The following ZFHX3 variants were observed in gnomAD, a reference collection of about 807,000 sequenced individuals.
ZFHX3 encodes the protein zinc finger homeobox 3.
In ZFHX3, 42 loss-of-function variants were observed where a neutral mutation model predicts 279.1. The observed-to-expected ratio is 0.15, with a 90% confidence interval of 0.12 to 0.19. ZFHX3 has a LOEUF of 0.19. ZFHX3 is among the 10% of genes least tolerant of loss of function. The pLI is 1.00. For missense variants in ZFHX3, 4,981 were observed against 4,754.0 expected (o/e 1.05, Z -1.40); for synonymous variants, 2,293 against 1,957.8 (o/e 1.17, Z -4.52).
chr16:73,084,514 A>ATTTTTTTTTTTTTTTTTTTTTTTTTT (rs34134596), intron 8 of ZFHX3, among the ~76,000 whole-genome samples: 3 of 92,660 alleles, frequency 3.2e-5, no homozygotes, highest in African/African-American at 4.0e-5. Context: ...CTAGGACTAA[A>ATTTTTTTTTTTTTTTTTTTTTTTTTT]TTTTTTTTTT....
At chr16:73,213,623 G>A (rs1233055995) in intron 5 of ZFHX3, among the ~76,000 whole-genome samples, 1 of 152,122 alleles carries the variant, frequency 6.6e-6, no homozygotes, top group Non-Finnish European at 1.5e-5. Context: ...ACATTCAGGG[G>A]GTAAGTGCAT....
At chr16:73,005,025 T>A (rs1327406042) in intron 1 of ZFHX3, among the ~76,000 whole-genome samples, 1 of 152,220 alleles carries the variant, frequency 6.6e-6, no homozygotes, top group East Asian at 1.9e-4. Flanking sequence ...GGCAGTGAAG[T>A]GCAGTGATAG....
At chr16:73,152,821 T>A (rs1358988848) in intron 5 of ZFHX3, among the ~76,000 whole-genome samples, 1 of 29,726 alleles carries the variant, frequency 3.4e-5, no homozygotes, top group African/African-American at 1.3e-4. Flanking sequence ...AGAAGGGGGC[T>A]GGGGGGAAGG....
chr16:73,651,940 T>C lies in ZFHX3; in HGVS notation c.-1547+28240A>G, dbSNP rs564136374. ...AAGTCAAAAGACAGTAGAATTAATC[T>C]TCATTATGGTAAAATAAAATACTTA... On this transcript the variant is annotated intron_variant, in intron 2 of 17. Transcript: ENST00000641206. Among the ~76,000 whole-genome samples the C allele has an allele frequency of 4.7e-4, 71 of 152,046 alleles. 1 individual carries two copies. The highest frequency in any genetic ancestry group is 1.5e-3 in the African/African-American group (63 of 41,490).
chr16:72,786,788 C>CATGCCGGG lies in ZFHX3; in HGVS notation c.*375_*376insCCCGGCAT, dbSNP rs2035395536. On this transcript the variant is annotated 3_prime_UTR_variant, in exon 10 of 10. Coordinates refer to ENST00000268489, the MANE Select transcript of ZFHX3 (RefSeq NM_006885.4). Reference sequence around the variant, plus strand: ...TTTCCCATACAGTGCATGCCGGGCTCCTCTGTGCTATCAGCGTGGGGCGTT... The same window carrying CATGCCGGG: ...TTTCCCATACAGTGCATGCCGGGCTCATGCCGGGCTCTGTGCTATCAGCGTGGGGCGTT... The CATGCCGGG allele has an allele frequency of 6.5e-6, 1 of 153,884 alleles. No individual in the cohort carries two copies. Among genetic ancestry groups the CATGCCGGG allele is most frequent in the Non-Finnish European group, 1.4e-5 (1 of 69,134 alleles). 9.5% of individuals were successfully genotyped at this position (153,884 alleles called of 1,614,324 possible).
chr16:73,222,896 A>G (rs2012467857), intron 5 of ZFHX3, among the ~76,000 whole-genome samples: 1 of 152,190 alleles, frequency 6.6e-6, no homozygotes, highest in Non-Finnish European at 1.5e-5. Context: ...AACAGAATAA[A>G]AAGCCCAGAA....
At chr16:73,416,577 G>C (rs923930963) in intron 3 of ZFHX3, among the ~76,000 whole-genome samples, 1 of 152,114 alleles carries the variant, frequency 6.6e-6, no homozygotes, top group Admixed American at 6.5e-5. Flanking sequence ...TTTAGCAGAC[G>C]AAAGTTGAGA....
intron 1 of ZFHX3, among the ~76,000 whole-genome samples, chr16:73,687,001 T>G (rs2053091842): frequency 8.1e-6 from 1 of 122,750 alleles, no homozygotes; most frequent in Non-Finnish European, 1.7e-5. Context: ...TATATATATA[T>G]TTGCAGCTAA....
chr16:73,253,997 G>A (rs1387575221), intron 5 of ZFHX3, among the ~76,000 whole-genome samples: 2 of 152,156 alleles, frequency 1.3e-5, no homozygotes, highest in African/African-American at 4.8e-5. Flanking sequence ...TGGAAGCAGA[G>A]CTGATTGGCA....
At chr16:73,214,143 A>C (rs2012115028) in intron 5 of ZFHX3, among the ~76,000 whole-genome samples, 1 of 152,216 alleles carries the variant, frequency 6.6e-6, no homozygotes, top group Non-Finnish European at 1.5e-5. Context: ...TGTCCTATAG[A>C]AACTGCTCCG....
chr16:73,334,124 C>G (rs1346173460), intron 3 of ZFHX3, among the ~76,000 whole-genome samples: 1 of 152,090 alleles, frequency 6.6e-6, no homozygotes, highest in Non-Finnish European at 1.5e-5. Flanking sequence ...AAGGTCTGCC[C>G]CAAAGGCAGC....
rs185402390 is a variant in ZFHX3 at position 72,908,056 on chromosome 16, T to C, written c.3217-18094A>G. ...CCTTTTTCTGTCTGCAGCGATCCTTTCTCCTCTGAACTCCAAGTCTTGGGC... is the reference window on the plus strand; with the variant it reads ...CCTTTTTCTGTCTGCAGCGATCCTTCCTCCTCTGAACTCCAAGTCTTGGGC... On this transcript the variant is annotated intron_variant, in intron 3 of 9. Coordinates refer to ENST00000268489, the MANE Select transcript of ZFHX3 (RefSeq NM_006885.4). 3.6e-3 allele frequency among the ~76,000 whole-genome samples: 553 copies of C among 152,180 alleles called. 1 individual carries two copies. The highest frequency in any genetic ancestry group is 0.014 in the Middle Eastern group (4 of 294).
intron 3 of ZFHX3, among the ~76,000 whole-genome samples, chr16:73,378,811 C>G (rs983037007): frequency 6.6e-6 from 1 of 152,150 alleles, no homozygotes; most frequent in Non-Finnish European, 1.5e-5. Context: ...TCCCTTTATG[C>G]CAAGCTCAAG....
At chr16:73,107,139 C>T (rs1413431330) in intron 7 of ZFHX3, among the ~76,000 whole-genome samples, 1 of 151,976 alleles carries the variant, frequency 6.6e-6, no homozygotes, top group Non-Finnish European at 1.5e-5. Context: ...GAAATGCTGT[C>T]TCTACTAAAA....
intron 4 of ZFHX3, among the ~76,000 whole-genome samples, chr16:73,302,543 G>C (rs2015080560): frequency 6.6e-6 from 1 of 152,250 alleles, no homozygotes; most frequent in Non-Finnish European, 1.5e-5. Context: ...AGTTGAATAA[G>C]AGAATCATGA....
At chr16:73,364,424 A>G (rs1322795232) in intron 3 of ZFHX3, among the ~76,000 whole-genome samples, 1 of 151,714 alleles carries the variant, frequency 6.6e-6, no homozygotes, top group African/African-American at 2.4e-5. Flanking sequence ...TAGTAGGTAT[A>G]CATAAGAGGA....
intron 3 of ZFHX3, among the ~76,000 whole-genome samples, chr16:72,940,108 G>A (rs1482990967): frequency 6.6e-6 from 1 of 151,556 alleles, no homozygotes. Flanking sequence ...GACAGGGTCT[G>A]TTTATGTTGC....
At chr16:73,308,091 C>T (rs368463787) in intron 4 of ZFHX3, among the ~76,000 whole-genome samples, 9 of 151,356 alleles carry the variant, frequency 5.9e-5, no homozygotes, top group African/African-American at 2.2e-4. Context: ...AGAGAGTTAC[C>T]GATCATTTGA....
chr16:73,717,853 T>C (rs549999198), intron 1 of ZFHX3, among the ~76,000 whole-genome samples: 1 of 152,286 alleles, frequency 6.6e-6, no homozygotes, highest in East Asian at 1.9e-4. Context: ...GTTCCAGAAC[T>C]GCACAATTAC....
Sources: allele counts gnomAD v4.1 joint callset (sites outside exome capture counted in the v4.1 genomes callset), GRCh38; gene constraint gnomAD v4.1.1; transcripts MANE v1.5; gene names NCBI Gene and HGNC (gene_info 2026-07-23, HGNC 2026-07-21).